Variants in BANK1 observed in about 807,000 individuals in gnomAD.
BANK1 encodes the protein B cell scaffold protein with ankyrin repeats 1.
Under a neutral mutation model 94.5 loss-of-function variants are expected in BANK1, and 95 were observed. The ratio of observed to expected loss-of-function variants is 1.00; its 90% CI spans 0.85 to 1.19. The LOEUF is 1.19. Among genes scored for constraint, BANK1 ranks in the 50% most tolerant of loss-of-function variants. BANK1 has a pLI of 0.00. For missense variants in BANK1, 987 were observed against 932.2 expected, an observed-to-expected ratio of 1.06 and a Z score of -0.77; for synonymous variants, 334 against 308.4, an observed-to-expected ratio of 1.08 and a Z score of -0.87.
chr4:102,039,547 G>A (rs1322765360), intron 10 of BANK1, among the ~76,000 whole-genome samples: 1 of 152,032 alleles, frequency 6.6e-6, no homozygotes, highest in Non-Finnish European at 1.5e-5. Flanking sequence ...GAAGCTGGGG[G>A]AAACAAGGCA....
At chr4:101,819,912 T>A (rs1263006140) in intron 1 of BANK1, among the ~76,000 whole-genome samples, 1 of 152,066 alleles carries the variant, frequency 6.6e-6, no homozygotes, top group Non-Finnish European at 1.5e-5. Flanking sequence ...ACATTTAAAG[T>A]TGTAGAAAAG....
chr4:102,048,720 G>T (rs1317095977), intron 11 of BANK1, among the ~76,000 whole-genome samples: 1 of 152,150 alleles, frequency 6.6e-6, no homozygotes, highest in Non-Finnish European at 1.5e-5. Flanking sequence ...AGAGCCAACT[G>T]TTTTCCCATT....
chr4:101,863,774 C>T (rs945101713), intron 4 of BANK1, among the ~76,000 whole-genome samples: 1 of 152,094 alleles, frequency 6.6e-6, no homozygotes, highest in Admixed American at 6.5e-5. Context: ...CCCCCTACTT[C>T]ATTATGTCAC....
chr4:101,796,436 T>C (rs1725158911), intron 1 of BANK1, among the ~76,000 whole-genome samples: 1 of 152,188 alleles, frequency 6.6e-6, no homozygotes, highest in Non-Finnish European at 1.5e-5. Flanking sequence ...GTCTTCTACG[T>C]ATCTTCCATT....
intron 6 of BANK1, among the ~76,000 whole-genome samples, chr4:101,901,842 G>A (rs1315839390): frequency 6.6e-6 from 1 of 151,866 alleles, no homozygotes; most frequent in Non-Finnish European, 1.5e-5. Flanking sequence ...CTCACTGCAA[G>A]CTCTGCCTCC....
At position 101,872,867 on chromosome 4, in the gene BANK1, A is replaced by T. The variant is rs1347529489; in HGVS notation, c.903+2223A>T. The stretch of plus-strand genomic sequence containing the variant: ...GCCGAGCATGGTGATGTATGCCTGT[A>T]ATCCCATCTACTCAGGTGCTTGAGG... On this transcript the variant is annotated intron_variant, in intron 5 of 16. Transcript: ENST00000322953. 2.0e-5 allele frequency among the ~76,000 whole-genome samples: 3 copies of T among 152,232 alleles called. No individual in the cohort carries two copies. The East Asian group carries it at 5.8e-4, about 29-fold the overall frequency.
chr4:101,895,571 C>A (rs79489408), intron 6 of BANK1, among the ~76,000 whole-genome samples, 161 bp downstream of exon 6: 1 of 151,964 alleles, frequency 6.6e-6, no homozygotes, highest in Non-Finnish European at 1.5e-5. Flanking sequence ...GTACAAACTT[C>A]TGAATGTTCG....
chr4:101,893,845 G>A (rs1003601999), intron 5 of BANK1, among the ~76,000 whole-genome samples: 2 of 151,938 alleles, frequency 1.3e-5, no homozygotes, highest in African/African-American at 2.4e-5. Flanking sequence ...TACTCATTGA[G>A]TACAAAATGA....
intron 7 of BANK1, among the ~76,000 whole-genome samples, chr4:102,016,119 T>C (rs1726690644): frequency 1.3e-5 from 2 of 152,244 alleles, no homozygotes; most frequent in South Asian, 2.1e-4. Context: ...GAACATATTT[T>C]AAGACTCAGA....
chr4:101,943,712 G>A (rs1723827960), intron 7 of BANK1, among the ~76,000 whole-genome samples: 1 of 151,800 alleles, frequency 6.6e-6, no homozygotes, highest in Non-Finnish European at 1.5e-5. Context: ...TAGAGATAGT[G>A]GGAATGGAAG....
At chr4:101,843,312 A>G (rs758842707) in intron 2 of BANK1, among the ~76,000 whole-genome samples, 2 of 152,138 alleles carry the variant, frequency 1.3e-5, no homozygotes, top group African/African-American at 2.4e-5. Flanking sequence ...TCTTGATTCA[A>G]TGACGTAAAA....
chr4:101,868,172 TG>T (rs1218358125), intron 4 of BANK1, among the ~76,000 whole-genome samples: 2 of 151,906 alleles, frequency 1.3e-5, no homozygotes, highest in African/African-American at 4.8e-5. Context: ...GTTTTGCAAA[TG>T]GCATTGAAAG....
At chr4:101,930,411 G>C (rs1723299678) in intron 7 of BANK1, among the ~76,000 whole-genome samples, 1 of 151,440 alleles carries the variant, frequency 6.6e-6, no homozygotes, top group African/African-American at 2.4e-5. Context: ...ACATAAGACA[G>C]ACAAGTCACT....
At chr4:101,817,833 T>C (rs1382780581) in intron 1 of BANK1, among the ~76,000 whole-genome samples, 1 of 151,942 alleles carries the variant, frequency 6.6e-6, no homozygotes, top group Non-Finnish European at 1.5e-5. Context: ...TTATGAGATT[T>C]TTTTTTTTTG....
chr4:101,797,664 G>T (rs1213045083), intron 1 of BANK1, among the ~76,000 whole-genome samples: 2 of 152,136 alleles, frequency 1.3e-5, no homozygotes, highest in Non-Finnish European at 2.9e-5. Flanking sequence ...AAACCTAAGA[G>T]AATCAAGAAT....
At chr4:101,863,993 A>G (rs369613169) in intron 4 of BANK1, among the ~76,000 whole-genome samples, 3 of 152,304 alleles carry the variant, frequency 2.0e-5, no homozygotes, top group South Asian at 2.1e-4. Flanking sequence ...TGAGAGCAGT[A>G]TAAAGAATAA....
At chr4:101,821,340 G>T (rs760778660) in intron 1 of BANK1, among the ~76,000 whole-genome samples, 1 of 152,046 alleles carries the variant, frequency 6.6e-6, no homozygotes, top group Non-Finnish European at 1.5e-5. Context: ...TTCCTTATAG[G>T]TGCTCGATAT....
chr4:101,836,337 G>A (rs1370694898), intron 2 of BANK1, among the ~76,000 whole-genome samples: 3 of 151,992 alleles, frequency 2.0e-5, no homozygotes, highest in Admixed American at 2.0e-4. Flanking sequence ...AAAATTAGCT[G>A]GGCATGGTGG....
intron 7 of BANK1, among the ~76,000 whole-genome samples, chr4:101,983,042 A>C (rs1725372830): frequency 6.6e-6 from 1 of 151,942 alleles, no homozygotes; most frequent in African/African-American, 2.4e-5. Context: ...TCATTTCCCA[A>C]GGCGCAGTAT....
Sources: gnomAD v4.1 joint callset for allele counts (sites outside exome capture counted in the v4.1 genomes callset) on GRCh38, gnomAD v4.1.1 for gene constraint, MANE v1.5 for transcripts, NCBI Gene and HGNC (gene_info 2026-07-23, HGNC 2026-07-21) for gene names.